Variants in RIC1 observed in about 807,000 individuals in gnomAD.
The protein encoded by RIC1 is guanine nucleotide exchange factor subunit RIC1.
A neutral mutation model predicts 169.0 loss-of-function variants in RIC1; 88 were observed. The observed-to-expected ratio is 0.52, with a 90% confidence interval of 0.44 to 0.62. The LOEUF (loss-of-function observed/expected upper bound fraction) is 0.62, where lower values mean the gene tolerates loss of function less well. Among genes scored for constraint, RIC1 ranks in the 20% least tolerant of loss-of-function variants. RIC1 has a pLI of 0.00. For missense variants in RIC1, 1,877 were observed against 1,725.5 expected, an observed-to-expected ratio of 1.09 and a Z score of -1.56; for synonymous variants, 790 against 601.5, an observed-to-expected ratio of 1.31 and a Z score of -4.59.
At chr9:5,769,571 G>C (rs1038078016) in intron 22 of RIC1, 2 of 808,964 alleles carry the variant, frequency 2.5e-6, no homozygotes, top group African/African-American at 1.7e-5. Context: ...AGGAGTTCTG[G>C]AATCAGATAG....
Position 5,753,650 on chromosome 9 carries a change from A to C in RIC1, c.1602+4A>C. ...ACTTTTTGGAAACATTACCCAGGTTAGTCTTTTTTGAGATTAAAAACCTAT... is the reference window on the plus strand; with the variant it reads ...ACTTTTTGGAAACATTACCCAGGTTCGTCTTTTTTGAGATTAAAAACCTAT... On this transcript the variant is annotated splice_donor_region_variant and intron_variant, in intron 14 of 25. Coordinates refer to ENST00000414202, the MANE Select transcript of RIC1 (RefSeq NM_020829.4). 6.7e-7 allele frequency: 1 copy of C among 1,484,668 alleles called. No homozygotes were observed. The highest frequency in any genetic ancestry group is 9.3e-7 in the Non-Finnish European group (1 of 1,074,280). The allele number at this position is 1,484,668 out of a possible 1,614,324, so 92.0% of individuals were successfully genotyped here.
At position 5,681,816 on chromosome 9, in the gene RIC1, T is replaced by A. The variant is rs114048887; in HGVS notation, c.253-8143T>A. On this transcript the variant is annotated intron_variant, in intron 2 of 25. Transcript: ENST00000414202. ...GGTCAGCAAGGACTTGCTTTATGAA[T>A]CTAGGTGCTCCTGTATTGCGTGCTC... 8.4e-3 allele frequency among the ~76,000 whole-genome samples: 1,284 copies of A among 152,300 alleles called. 23 individuals are homozygous for A. Among genetic ancestry groups the A allele is most frequent in the African/African-American group, 0.03 (1,229 of 41,540 alleles).
At chr9:5,691,621 AAG>A (rs1470806166) in intron 3 of RIC1, among the ~76,000 whole-genome samples, 7 of 151,936 alleles carry the variant, frequency 4.6e-5, no homozygotes, top group Non-Finnish European at 5.9e-5. Context: ...AAACTGAAAA[AAG>A]AATTTTTTTG....
chr9:5,718,156 A>AAAAG (rs2130852765), intron 4 of RIC1, among the ~76,000 whole-genome samples: 1 of 151,102 alleles, frequency 6.6e-6, no homozygotes, highest in South Asian at 2.1e-4. Flanking sequence ...AAAAAAAAAA[A>AAAAG]AAAAAAAAAA....
At chr9:5,683,824 C>T (rs1821016352) in intron 2 of RIC1, among the ~76,000 whole-genome samples, 1 of 152,224 alleles carries the variant, frequency 6.6e-6, no homozygotes, top group Non-Finnish European at 1.5e-5. Context: ...CTTTGTTTAC[C>T]TACTCAAGCC....
chr9:5,640,138 G>C (rs189946083), intron 1 of RIC1, among the ~76,000 whole-genome samples: 1 of 152,146 alleles, frequency 6.6e-6, no homozygotes, highest in Non-Finnish European at 1.5e-5. Context: ...TGTGGTCTTC[G>C]TTCTTTCTTT....
chr9:5,763,344 C>T lies in RIC1; in HGVS notation c.2317C>T (p.His773Tyr), dbSNP rs760788414. The stretch of plus-strand genomic sequence containing the variant: ...GTCCCAGCGGATCATGCTGCCTTTC[C>T]ACATCAACATTTACCCGCTAGCTGT... ...FLSQRIMLPF[H>Y]INIYPLAVLF... Residue 773 changes from histidine to tyrosine, a missense_variant, in exon 19 of 26, where the codon CAC becomes TAC. Physicochemically the swap from His to Tyr is moderately conservative, Grantham distance 83. Around this residue, in one of 3 missense-constraint regions of RIC1, gnomAD observed 1,104 missense variants for 992.0 expected, o/e 1.11. Transcript: ENST00000414202. This position sits in a 1 kb window ranked among gnomAD's most constrained non-coding sequence, Gnocchi z 5.2. The T allele has an allele frequency of 1.2e-6, 2 of 1,614,060 alleles. No homozygotes were observed. The highest frequency in any genetic ancestry group is 1.3e-5 in the African/African-American group (1 of 74,924).
intron 14 of RIC1, 145 bp from the exon 15 acceptor site, chr9:5,754,696 A>G (rs934434985): frequency 4.4e-6 from 2 of 452,794 alleles, no homozygotes; most frequent in Non-Finnish European, 7.6e-6. Flanking sequence ...GAGCCACTGC[A>G]CTCCAGCATG....
At chr9:5,727,904 G>C (rs906212744) in intron 6 of RIC1, among the ~76,000 whole-genome samples, 7 of 152,208 alleles carry the variant, frequency 4.6e-5, no homozygotes, top group Admixed American at 4.6e-4. Context: ...TCTTCTGGAA[G>C]GTTCATCTTA....
chr9:5,650,348 T>G (rs1404338800), intron 1 of RIC1, among the ~76,000 whole-genome samples: 1 of 151,890 alleles, frequency 6.6e-6, no homozygotes, highest in Non-Finnish European at 1.5e-5. Flanking sequence ...GGTGAGGCAA[T>G]CTCTATGCTC....
intron 4 of RIC1, among the ~76,000 whole-genome samples, chr9:5,717,376 C>T (rs1383831278): frequency 3.9e-5 from 6 of 152,068 alleles, no homozygotes; most frequent in Admixed American, 6.5e-5. Flanking sequence ...GATGCTGACT[C>T]CTTCCAAGGA....
rs1452860607 is a variant in RIC1 at position 5,747,396 on chromosome 9, C to A, written c.1343C>A (p.Thr448Lys). The change falls in exon 12 of 26, where the codon ACA becomes AAA. Residue 448 changes from threonine (T) to lysine (K), a missense_variant. By Grantham distance (78) the Thr-to-Lys change is moderately conservative (BLOSUM62 -1). Coordinates refer to ENST00000414202, the MANE Select transcript of RIC1 (RefSeq NM_020829.4). Reference sequence around the variant, plus strand: ...ACCCAGAATCCCAGGAGTTCTTCAACACACTCTGAGCATAAGCCCAGTCGA... The same window carrying A: ...ACCCAGAATCCCAGGAGTTCTTCAAAACACTCTGAGCATAAGCCCAGTCGA... ...SQTQNPRSSS[T>K]HSEHKPSREK... 1 of 1,614,080 alleles carries A rather than the reference C, an allele frequency of 6.2e-7. No homozygotes were observed. The highest frequency in any genetic ancestry group is 8.5e-7 in the Non-Finnish European group (1 of 1,179,940).
At chr9:5,745,335 G>C (rs1825315318) in intron 10 of RIC1, among the ~76,000 whole-genome samples, 1 of 152,136 alleles carries the variant, frequency 6.6e-6, no homozygotes. Context: ...CTATCATGGA[G>C]TCTAGTTACA....
chr9:5,664,735 C>G (rs962457089), intron 2 of RIC1, among the ~76,000 whole-genome samples: 2 of 152,228 alleles, frequency 1.3e-5, no homozygotes, highest in African/African-American at 4.8e-5. Context: ...CTCCCCATCT[C>G]TTTCAGGTAC....
At chr9:5,746,594 G>A (rs1825390360) in intron 11 of RIC1, among the ~76,000 whole-genome samples, 1 of 152,074 alleles carries the variant, frequency 6.6e-6, no homozygotes, top group Non-Finnish European at 1.5e-5. Context: ...TTATTTAACT[G>A]TGAATTTTTA....
rs1318996048 is a variant in RIC1 at position 5,769,553 on chromosome 9, T to C, written c.3424+297T>C. 1.0e-5 allele frequency: 10 copies of C among 988,256 alleles called. No homozygotes were observed. The East Asian group carries it at 2.9e-4, about 28-fold the overall frequency. 61.2% of individuals were successfully genotyped at this position (988,256 alleles called of 1,614,324 possible). A position where few individuals can be genotyped will look rare whatever the true frequency, so the allele number is the denominator to read the frequency against. ...TATAAAAGCTACCATGCTTATGTTA[T>C]TGTGGGAAGGAGTTCTGGAATCAGA... On this transcript the variant is annotated intron_variant, in intron 22 of 25. Transcript: ENST00000414202.
intron 15 of RIC1, among the ~76,000 whole-genome samples, chr9:5,755,572 C>T (rs1281534574): frequency 6.6e-6 from 1 of 152,150 alleles, no homozygotes; most frequent in Admixed American, 6.5e-5. Flanking sequence ...AGAGAGACTA[C>T]TGTATCTGGT....
intron 17 of RIC1, among the ~76,000 whole-genome samples, chr9:5,760,696 A>G (rs924361394): frequency 5.3e-5 from 8 of 152,228 alleles, no homozygotes; most frequent in African/African-American, 1.9e-4. Context: ...CATACCTCCA[A>G]ATTACTTTCT....
chr9:5,685,356 A>T (rs1220067058), intron 2 of RIC1, among the ~76,000 whole-genome samples: 1 of 151,816 alleles, frequency 6.6e-6, no homozygotes, highest in African/African-American at 2.4e-5. Context: ...TGGAGGCATC[A>T]CACTACCTGA....
Sources: gnomAD v4.1 joint callset for allele counts (sites outside exome capture counted in the v4.1 genomes callset) on GRCh38, gnomAD v4.1.1 for gene constraint, gnomAD v4.1.1 regional missense constraint, Gnocchi (gnomAD v3.1) non-coding constraint, MANE v1.5 for transcripts, NCBI Gene and HGNC (gene_info 2026-07-23, HGNC 2026-07-21) for gene names.